NSD3: variants seen among roughly 807,000 people sequenced by gnomAD.
The protein encoded by NSD3 is nuclear receptor binding SET domain protein 3, also known as histone-lysine N-methyltransferase NSD3.
NSD3 carries 24 observed loss-of-function variants against 160.8 expected under a neutral mutation model. The observed-to-expected ratio is 0.15, with a 90% CI of 0.11 to 0.21. The LOEUF is 0.21. NSD3 is among the 10% of genes least tolerant of loss of function. NSD3 has a pLI of 1.00. For synonymous variants in NSD3, 520 were observed against 600.0 expected (o/e 0.87, Z 1.95); for missense variants, 1,157 against 1,735.9 (o/e 0.67, Z 5.93).
intron 1 of NSD3, among the ~76,000 whole-genome samples, chr8:38,363,082 T>C (rs2150391377): frequency 6.6e-6 from 1 of 152,326 alleles, no homozygotes; most frequent in South Asian, 2.1e-4. Flanking sequence ...CCTTCAGTCA[T>C]GGAAAGAAAA....
In NSD3 at chr8:38,337,458, T is replaced by C. The variant is rs751138632; in HGVS notation, c.757A>G (p.Ile253Val). The C allele has an allele frequency of 6.3e-6, 10 of 1,586,916 alleles. No homozygotes were observed. The highest frequency in any genetic ancestry group is 4.6e-5 in the East Asian group (2 of 43,548). The change falls in exon 4 of 24, where the codon ATA becomes GTA. Residue 253 changes from isoleucine to valine, a missense_variant. Coordinates refer to ENST00000317025, the MANE Select transcript of NSD3 (RefSeq NM_023034.2). ...VLKEEAPVQP[I>V]LSSVPTTEVS... ...TCCGTTGTTGGAACAGAAGATAGTA[T>C]TGGCTGAACCTACAGGAAAGGGTCA...
intron 1 of NSD3, among the ~76,000 whole-genome samples, chr8:38,350,002 A>T (rs911707015): frequency 1.3e-5 from 2 of 152,132 alleles, no homozygotes; most frequent in African/African-American, 4.8e-5. Flanking sequence ...ATGTCCCTAC[A>T]AAGGACATGA....
intron 12 of NSD3, among the ~76,000 whole-genome samples, chr8:38,310,157 C>A (rs1809498433): frequency 6.6e-6 from 1 of 152,148 alleles, no homozygotes; most frequent in South Asian, 2.1e-4. Flanking sequence ...TTTTCATCAT[C>A]CCATACTGAA....
At chr8:38,359,174 T>C (rs184883175) in intron 1 of NSD3, among the ~76,000 whole-genome samples, 7 of 152,282 alleles carry the variant, frequency 4.6e-5, no homozygotes, top group South Asian at 2.1e-4. Flanking sequence ...ATTAAAAAAT[T>C]TTTAGTAATA....
Position 38,327,935 on chromosome 8 carries a change from C to T in NSD3, c.1582-1079G>A, listed in dbSNP as rs532922959. 4.0e-4 allele frequency among the ~76,000 whole-genome samples: 61 copies of T among 152,314 alleles called. 1 individual carries two copies. The South Asian group carries it at 9.1e-3, about 23-fold the overall frequency. On this transcript the variant is annotated intron_variant, in intron 6 of 23. Coordinates refer to ENST00000317025, the MANE Select transcript of NSD3 (RefSeq NM_023034.2). ...GTATTTTTTTGGCCAGGCACCGTGGCTCCTGCCTGTAATCTCAACACTTTG... is the reference window on the plus strand; with the variant it reads ...GTATTTTTTTGGCCAGGCACCGTGGTTCCTGCCTGTAATCTCAACACTTTG...
rs532984144 is a variant in NSD3, at chr8:38,272,180, G to A, written c.*3461C>T. The stretch of plus-strand genomic sequence containing the variant: ...CAAATATTTTGTGTAAATGGCAGAA[G>A]GGAGCTGGGAGCAGTCCCCCTGCCT... On this transcript the variant is annotated 3_prime_UTR_variant, in exon 24 of 24. Transcript: ENST00000317025. The A allele has an allele frequency of 4.6e-5, 7 of 152,312 alleles. No individual in the cohort carries two copies. The highest frequency in any genetic ancestry group is 1.7e-4 in the African/African-American group (7 of 41,560). 9.4% of individuals were successfully genotyped at this position (152,312 alleles called of 1,614,324 possible). A position where few individuals can be genotyped will look rare whatever the true frequency, so the allele number is the denominator to read the frequency against.
chr8:38,291,379 C>T (rs537927131), intron 16 of NSD3, among the ~76,000 whole-genome samples: 1 of 152,286 alleles, frequency 6.6e-6, no homozygotes, highest in South Asian at 2.1e-4. Flanking sequence ...AATGATGAAG[C>T]TAACAGTCAG....
In NSD3 at chr8:38,275,597, AT is replaced by A. The variant is rs922943662; in HGVS notation, c.*43del. 12 of 1,555,880 alleles carry A rather than the reference AT, an allele frequency of 7.7e-6. No individual in the cohort carries two copies. The highest frequency in any genetic ancestry group is 1.1e-5 in the Non-Finnish European group (12 of 1,140,270). On this transcript the variant is annotated 3_prime_UTR_variant, in exon 24 of 24. Transcript: ENST00000317025. Reference sequence around the variant, plus strand: ...TCTCTTCTTTTTAAATGCATGATCTATTTGCTTTTTTCACTTAAATAGAAAG... The same window carrying A: ...TCTCTTCTTTTTAAATGCATGATCTATTGCTTTTTTCACTTAAATAGAAAG...
intron 17 of NSD3, among the ~76,000 whole-genome samples, chr8:38,289,963 C>A (rs1241793138): frequency 6.6e-6 from 1 of 152,128 alleles, no homozygotes; most frequent in Non-Finnish European, 1.5e-5. Flanking sequence ...GAGCTATAAT[C>A]CCAACACTTT....
intron 12 of NSD3, among the ~76,000 whole-genome samples, chr8:38,309,625 C>T (rs1490312306): frequency 6.6e-6 from 1 of 152,104 alleles, no homozygotes; most frequent in African/African-American, 2.4e-5. Context: ...TGCACTTCAG[C>T]CTGGGCAATG....
intron 1 of NSD3, among the ~76,000 whole-genome samples, 161 bp from the exon 2 acceptor site, chr8:38,348,376 GACACAGGGCA>G (rs1170344906): frequency 6.6e-6 from 1 of 152,162 alleles, no homozygotes; most frequent in Non-Finnish European, 1.5e-5. Context: ...ATATAATTCT[GACACAGGGCA>G]AATACCTTTT....
intron 15 of NSD3, among the ~76,000 whole-genome samples, chr8:38,298,834 T>C (rs1363692791): frequency 6.6e-6 from 1 of 152,232 alleles, no homozygotes; most frequent in Non-Finnish European, 1.5e-5. Flanking sequence ...GTGTGGATAA[T>C]TATCCATCAG....
chr8:38,356,871 C>A (rs1039123315), intron 1 of NSD3, among the ~76,000 whole-genome samples: 1 of 151,766 alleles, frequency 6.6e-6, no homozygotes, highest in Non-Finnish European at 1.5e-5. Flanking sequence ...GTAATCCCAG[C>A]ACTTTGGGAG....
chr8:38,332,238 G>T (rs60499381), intron 4 of NSD3, among the ~76,000 whole-genome samples: 169 of 151,944 alleles, frequency 1.1e-3, no homozygotes, highest in African/African-American at 3.8e-3. Context: ...ACTGGCCCCA[G>T]CCTATGATAG....
At chr8:38,379,408 A>G (rs151336051) in intron 1 of NSD3, among the ~76,000 whole-genome samples, 16 of 152,246 alleles carry the variant, frequency 1.1e-4, no homozygotes, top group Admixed American at 1.0e-3. Flanking sequence ...TTTACCAGCT[A>G]ATTACAAATA....
At chr8:38,354,824 T>C (rs1810784593) in intron 1 of NSD3, among the ~76,000 whole-genome samples, 1 of 152,152 alleles carries the variant, frequency 6.6e-6, no homozygotes, top group African/African-American at 2.4e-5. Context: ...CTCCATTAAA[T>C]TCTGGTGCCA....
chr8:38,345,404 G>GA (rs1563362912), intron 2 of NSD3, among the ~76,000 whole-genome samples: 1 of 151,654 alleles, frequency 6.6e-6, no homozygotes, highest in African/African-American at 2.4e-5. Context: ...GAACGAACAA[G>GA]AAAAAAACCT....
At chr8:38,330,030 A>T in intron 5 of NSD3, 137 bp from the exon 6 acceptor site, 1 of 961,950 alleles carries the variant, frequency 1.0e-6, no homozygotes. Context: ...AACAAGTGGA[A>T]TGTTCTATCT....
chr8:38,292,792 A>AAAAC (rs752048621), intron 16 of NSD3, among the ~76,000 whole-genome samples: 272 of 151,514 alleles, frequency 1.8e-3, no homozygotes, highest in African/African-American at 6.2e-3. Context: ...CTGTCTCAAA[A>AAAAC]AAACAAACAA....
Sources: allele counts gnomAD v4.1 joint callset (sites outside exome capture counted in the v4.1 genomes callset), GRCh38; gene constraint gnomAD v4.1.1; transcripts MANE v1.5; gene names NCBI Gene and HGNC (gene_info 2026-07-23, HGNC 2026-07-21).